The following PDE8B variants were observed in gnomAD, a reference collection of about 807,000 sequenced individuals.
PDE8B encodes phosphodiesterase 8B, also known as high affinity cAMP-specific and IBMX-insensitive 3',5'-cyclic phosphodiesterase 8B.
PDE8B carries 26 observed loss-of-function variants against 101.3 expected under a neutral mutation model. The observed-to-expected ratio is 0.26, with a 90% CI of 0.19 to 0.36. The LOEUF (loss-of-function observed/expected upper bound fraction) is 0.36. PDE8B is among the 10% of genes least tolerant of loss of function. The pLI is 1.00. For missense variants in PDE8B, 810 were observed against 1,163.1 expected (o/e 0.70, Z 4.42); for synonymous variants, 424 against 429.3 (o/e 0.99, Z 0.15).
At chr5:77,337,559 TA>T (rs1402900211) in intron 6 of PDE8B, among the ~76,000 whole-genome samples, 2 of 152,210 alleles carry the variant, frequency 1.3e-5, no homozygotes, top group African/African-American at 4.8e-5. Context: ...TTTAAAATTG[TA>T]ACCTGGGAAA....
the PDE8B span, among the ~76,000 whole-genome samples, chr5:77,196,519 T>C: frequency 1.3e-5 from 2 of 152,238 alleles, no homozygotes; most frequent in Non-Finnish European, 2.9e-5. Flanking sequence ...ACTAACTTTG[T>C]GTTTTTGGGA....
At chr5:77,358,493 C>G (rs940496891) in intron 10 of PDE8B, 2 of 956,224 alleles carry the variant, frequency 2.1e-6, no homozygotes, top group African/African-American at 3.5e-5. Context: ...TGGGTTATGC[C>G]TCTTCGTACT....
At position 77,426,816 on chromosome 5, in the gene PDE8B, C is replaced by G; in HGVS notation, c.*262C>G. On this transcript the variant is annotated 3_prime_UTR_variant, in exon 22 of 22. Coordinates refer to ENST00000264917, the MANE Select transcript of PDE8B (RefSeq NM_003719.5). ...CTTTGCTCTGCTGTCATCCTGTGTA[C>G]CCTTGTCAATCCATGGAGCTGGTTC... The G allele has an allele frequency of 2.4e-6, 1 of 423,342 alleles. No individual in the cohort carries two copies. Among genetic ancestry groups the G allele is most frequent in the Non-Finnish European group, 4.4e-6 (1 of 226,358 alleles). The allele number at this position is 423,342 out of a possible 1,614,324, so 26.2% of individuals were successfully genotyped here. A position where few individuals can be genotyped will look rare whatever the true frequency, so the allele number is the denominator to read the frequency against.
rs1554093056 is a variant in PDE8B, at chr5:77,378,049, C to CACACACACACACACACAT, written c.1168-22199_1168-22198insACACACACACACACACAT. ...ACACACACACACACACACACACACA[C>CACACACACACACACACAT]CCCCTGTTGGTTCTTTGTCTAGAGA... On this transcript the variant is annotated intron_variant, in intron 10 of 21. Coordinates refer to ENST00000264917, the MANE Select transcript of PDE8B (RefSeq NM_003719.5). Among the ~76,000 whole-genome samples the CACACACACACACACACAT allele has an allele frequency of 2.4e-3, 362 of 148,472 alleles. 3 individuals are homozygous for CACACACACACACACACAT. The highest frequency in any genetic ancestry group is 8.5e-3 in the African/African-American group (337 of 39,740).
At chr5:77,312,189 T>C (rs1209376625) in intron 2 of PDE8B, 136 bp downstream of exon 2, 3 of 689,356 alleles carry the variant, frequency 4.4e-6, no homozygotes, top group Non-Finnish European at 7.7e-6. Context: ...CTGCAACCTC[T>C]GCCTCCTGGG....
chr5:77,255,364 G>A (rs1375867089), intron 1 of PDE8B, among the ~76,000 whole-genome samples: 2 of 152,180 alleles, frequency 1.3e-5, no homozygotes, highest in African/African-American at 2.4e-5. Context: ...TGCCACCAAC[G>A]CGGCTGCACA....
chr5:77,403,804 A>G (rs962713973), intron 11 of PDE8B, among the ~76,000 whole-genome samples: 5 of 151,094 alleles, frequency 3.3e-5, no homozygotes, highest in Non-Finnish European at 7.4e-5. Context: ...TCAAGTTTTA[A>G]TGTTTATTTT....
chr5:77,133,798 A>G, the PDE8B span, among the ~76,000 whole-genome samples: 9 of 152,362 alleles, frequency 5.9e-5, no homozygotes, highest in African/African-American at 1.9e-4. Flanking sequence ...AGAACCAGCC[A>G]GGTTTCAAGG....
intron 2 of PDE8B, among the ~76,000 whole-genome samples, chr5:77,314,821 G>C (rs1267322546): frequency 6.6e-6 from 1 of 151,984 alleles, no homozygotes; most frequent in Non-Finnish European, 1.5e-5. Flanking sequence ...GAGATTTCTG[G>C]TTACTCTAAA....
At chr5:77,162,082 G>A in the PDE8B span, among the ~76,000 whole-genome samples, 1 of 151,504 alleles carries the variant, frequency 6.6e-6, no homozygotes, top group East Asian at 1.9e-4. Flanking sequence ...AATTTAGCAA[G>A]GTTGGAGGAT....
intron 10 of PDE8B, among the ~76,000 whole-genome samples, chr5:77,367,230 C>T (rs1406656226): frequency 6.6e-6 from 1 of 152,168 alleles, no homozygotes; most frequent in Non-Finnish European, 1.5e-5. Flanking sequence ...GAAACTTCCT[C>T]ACTGTCTTCA....
chr5:77,288,693 A>G (rs1561474647), intron 1 of PDE8B, among the ~76,000 whole-genome samples: 2 of 152,160 alleles, frequency 1.3e-5, no homozygotes, highest in Non-Finnish European at 2.9e-5. Flanking sequence ...GACAGTTGCT[A>G]TGTTTAACTC....
At chr5:77,252,230 G>A (rs1758209736) in intron 1 of PDE8B, among the ~76,000 whole-genome samples, 1 of 152,192 alleles carries the variant, frequency 6.6e-6, no homozygotes. Context: ...GTAGCCTTTG[G>A]GGCACAGATG....
intron 10 of PDE8B, among the ~76,000 whole-genome samples, chr5:77,355,456 G>A (rs1384213915): frequency 6.6e-6 from 1 of 152,192 alleles, no homozygotes; most frequent in Non-Finnish European, 1.5e-5. Context: ...AGGCGGTTCC[G>A]GTGGTGTGGT....
chr5:77,174,769 C>T, the PDE8B span, among the ~76,000 whole-genome samples: 74 of 152,186 alleles, frequency 4.9e-4, no homozygotes, highest in African/African-American at 1.8e-3. Flanking sequence ...CTGATGGCAC[C>T]CTCCTCCCCA....
At chr5:77,389,233 T>C (rs1789386377) in intron 10 of PDE8B, among the ~76,000 whole-genome samples, 1 of 152,170 alleles carries the variant, frequency 6.6e-6, no homozygotes, top group Admixed American at 6.5e-5. Flanking sequence ...GTCTGCGGAT[T>C]GCAAAGACTG....
intron 3 of PDE8B, among the ~76,000 whole-genome samples, chr5:77,326,008 T>TA (rs1378330800): frequency 1.3e-5 from 2 of 152,146 alleles, no homozygotes; most frequent in Non-Finnish European, 2.9e-5. Context: ...GTATTGCTCA[T>TA]AAAAAACATT....
intron 1 of PDE8B, among the ~76,000 whole-genome samples, chr5:77,297,126 A>AAAGC (rs1440784857): frequency 1.3e-5 from 2 of 152,218 alleles, no homozygotes; most frequent in Non-Finnish European, 2.9e-5. Context: ...CAGAACAAAG[A>AAAGC]AAGCAAGCGG....
chr5:77,252,699 A>G (rs1209421491), intron 1 of PDE8B, among the ~76,000 whole-genome samples: 1 of 151,530 alleles, frequency 6.6e-6, no homozygotes, highest in Non-Finnish European at 1.5e-5. Flanking sequence ...TATTTATTTG[A>G]TTTGGAAAGG....
Sources: gnomAD v4.1 joint callset for allele counts (sites outside exome capture counted in the v4.1 genomes callset) on GRCh38, gnomAD v4.1.1 for gene constraint, MANE v1.5 for transcripts, NCBI Gene and HGNC (gene_info 2026-07-23, HGNC 2026-07-21) for gene names.